NRXN1: variants seen among roughly 807,000 people sequenced by gnomAD.
The protein encoded by NRXN1 is neurexin-1.
In NRXN1, 39 loss-of-function variants were observed where a neutral mutation model predicts 150.9. The observed-to-expected ratio is 0.26, with a 90% confidence interval of 0.20 to 0.34. The LOEUF is 0.34. Ranked by LOEUF, NRXN1 falls within the 10% of genes least tolerant of loss-of-function variation. The pLI is 1.00. For missense variants in NRXN1, 1,815 were observed against 1,949.9 expected (o/e 0.93, Z 1.30); for synonymous variants, 924 against 757.0 (o/e 1.22, Z -3.62).
chr2:50,859,838 T>TTG lies in NRXN1; in HGVS notation c.832+62029_832+62030dup, dbSNP rs58904379. ...ATTATATACACACACACAATTATGT[T>TTG]TGTGTGTGTGTGTGTGTGTGTGTGT... is the stretch of plus-strand genomic sequence containing the variant. On this transcript the variant is annotated intron_variant, in intron 5 of 22. Coordinates refer to ENST00000401669, the MANE Select transcript of NRXN1 (RefSeq NM_001330078.2). Among the ~76,000 whole-genome samples the TTG allele has an allele frequency of 9.8e-3, 1,444 of 147,658 alleles. 9 individuals are homozygous for TTG. The highest frequency in any genetic ancestry group is 0.024 in the East Asian group (119 of 4,914).
intron 17 of NRXN1, among the ~76,000 whole-genome samples, chr2:50,458,703 C>T (rs1398260965): frequency 6.6e-6 from 1 of 151,970 alleles, no homozygotes; most frequent in Admixed American, 6.6e-5. Flanking sequence ...CCTCAGCCTC[C>T]TGAGTAGCTG....
chr2:50,754,281 T>C (rs1700938751), intron 5 of NRXN1, among the ~76,000 whole-genome samples: 1 of 151,902 alleles, frequency 6.6e-6, no homozygotes, highest in East Asian at 1.9e-4. Flanking sequence ...TAGTTCATGA[T>C]ACATATACAC....
intron 21 of NRXN1, among the ~76,000 whole-genome samples, chr2:50,046,948 A>G (rs1194917999): frequency 1.3e-5 from 2 of 152,214 alleles, no homozygotes; most frequent in Non-Finnish European, 2.9e-5. Context: ...TCATGACTCA[A>G]ACACTTACTG....
chr2:50,165,929 G>A (rs1029532079), intron 18 of NRXN1, among the ~76,000 whole-genome samples: 1 of 152,126 alleles, frequency 6.6e-6, no homozygotes. Context: ...TTCTCCAGGT[G>A]TGCTATATTT....
intron 5 of NRXN1, among the ~76,000 whole-genome samples, chr2:50,870,615 A>G (rs963633001): frequency 6.6e-6 from 1 of 151,772 alleles, no homozygotes; most frequent in Non-Finnish European, 1.5e-5. Context: ...CTATCACCAC[A>G]CTTTTGAGCT....
intron 8 of NRXN1, chr2:50,588,805 CG>C (rs1673600309): frequency 6.6e-6 from 1 of 152,080 alleles, no homozygotes; most frequent in South Asian, 2.1e-4. Context: ...TTCTGTGAAG[CG>C]TAGCAAGTCA....
chr2:50,640,462 T>G (rs1683913007), intron 5 of NRXN1, among the ~76,000 whole-genome samples: 1 of 152,196 alleles, frequency 6.6e-6, no homozygotes, highest in Non-Finnish European at 1.5e-5. Flanking sequence ...TTTTCTCTTA[T>G]AAAGGAGAAA....
chr2:50,385,663 T>G (rs1427936271), intron 17 of NRXN1, among the ~76,000 whole-genome samples: 1 of 152,180 alleles, frequency 6.6e-6, no homozygotes, highest in Non-Finnish European at 1.5e-5. Context: ...CTTTCCAAGC[T>G]TGTTCTCACA....
chr2:50,438,281 GC>G (rs1215096520), intron 17 of NRXN1, among the ~76,000 whole-genome samples: 1 of 152,184 alleles, frequency 6.6e-6, no homozygotes, highest in Non-Finnish European at 1.5e-5. Context: ...TGCCTGATTT[GC>G]ATGTGGATAT....
intron 8 of NRXN1, among the ~76,000 whole-genome samples, chr2:50,596,750 G>A (rs1298346482): frequency 1.3e-5 from 2 of 152,022 alleles, no homozygotes; most frequent in African/African-American, 2.4e-5. Context: ...CAGCCTTCAG[G>A]AGCCCCACCT....
intron 17 of NRXN1, among the ~76,000 whole-genome samples, chr2:50,418,015 T>C (rs2083680656): frequency 6.6e-6 from 1 of 151,972 alleles, no homozygotes; most frequent in African/African-American, 2.4e-5. Context: ...CAAATGTGCA[T>C]TTTAGAAAGA....
At chr2:50,864,241 G>A (rs1676546592) in intron 5 of NRXN1, among the ~76,000 whole-genome samples, 1 of 151,974 alleles carries the variant, frequency 6.6e-6, no homozygotes, top group Non-Finnish European at 1.5e-5. Flanking sequence ...CCCAGGTACT[G>A]TGCTAGGTAT....
chr2:50,584,250 A>C (rs1017391215), intron 8 of NRXN1, among the ~76,000 whole-genome samples: 1 of 152,192 alleles, frequency 6.6e-6, no homozygotes, highest in Non-Finnish European at 1.5e-5. Flanking sequence ...TGTTTGAGGC[A>C]AGCCGAAAAC....
At chr2:50,313,099 G>C (rs976741202) in intron 17 of NRXN1, among the ~76,000 whole-genome samples, 2 of 152,060 alleles carry the variant, frequency 1.3e-5, no homozygotes. Flanking sequence ...TCTATGGGAA[G>C]ATTTAGGTCA....
intron 5 of NRXN1, chr2:50,758,252 G>C (rs1455038598): frequency 6.6e-6 from 1 of 151,690 alleles, no homozygotes; most frequent in Non-Finnish European, 1.5e-5. Context: ...TTTCCTTATG[G>C]TTCACTTCAT....
chr2:50,114,922 A>C (rs1019446837), intron 18 of NRXN1, among the ~76,000 whole-genome samples: 1 of 151,914 alleles, frequency 6.6e-6, no homozygotes, highest in African/African-American at 2.4e-5. Flanking sequence ...ACTCCGTGTG[A>C]TATTATAATG....
intron 2 of NRXN1, among the ~76,000 whole-genome samples, chr2:50,965,605 AG>A (rs1483683834): frequency 1.3e-5 from 2 of 151,534 alleles, no homozygotes; most frequent in Non-Finnish European, 3.0e-5. Context: ...GGTTTTTAAA[AG>A]TTTTGCTTTT....
At position 50,408,148 on chromosome 2, in the gene NRXN1, G is replaced by A. The variant is rs79784024; in HGVS notation, c.3364+57294C>T. On this transcript the variant is annotated intron_variant, in intron 17 of 22. Transcript: ENST00000401669. ...CCAGCCCTCCAAGATCTTACCATCTGGAATGGTAAGGTCTCACAAGAATGG... is the reference window on the plus strand; with the variant it reads ...CCAGCCCTCCAAGATCTTACCATCTAGAATGGTAAGGTCTCACAAGAATGG... 2.1e-3 allele frequency among the ~76,000 whole-genome samples: 327 copies of A among 152,214 alleles called. 1 individual carries two copies. Among genetic ancestry groups the A allele is most frequent in the African/African-American group, 7.5e-3 (310 of 41,530 alleles).
chr2:50,070,782 A>AAAC (rs1553560138), intron 19 of NRXN1, among the ~76,000 whole-genome samples: 38 of 150,826 alleles, frequency 2.5e-4, no homozygotes, highest in African/African-American at 9.4e-4. Flanking sequence ...AAAAAAAAAA[A>AAAC]AAAAAAACCT....
Sources: allele counts gnomAD v4.1 joint callset (sites outside exome capture counted in the v4.1 genomes callset), GRCh38; gene constraint gnomAD v4.1.1; transcripts MANE v1.5; gene names NCBI Gene and HGNC (gene_info 2026-07-23, HGNC 2026-07-21).